ASTN2: variants seen among roughly 807,000 people sequenced by gnomAD.
The protein encoded by ASTN2 is astrotactin 2, also known as astrotactin-2.
A neutral mutation model predicts 139.8 loss-of-function variants in ASTN2; 54 were observed. The observed-to-expected ratio is 0.39, with a 90% CI of 0.31 to 0.48. The LOEUF (loss-of-function observed/expected upper bound fraction) is 0.48, where lower values mean the gene tolerates loss of function less well. Among genes scored for constraint, ASTN2 ranks in the 20% least tolerant of loss-of-function variants. The pLI is 0.95. For synonymous variants in ASTN2, 756 were observed against 719.5 expected (o/e 1.05, Z -0.81); for missense variants, 1,565 against 1,725.1 (o/e 0.91, Z 1.64).
intron 22 of ASTN2, among the ~76,000 whole-genome samples, chr9:116,433,953 A>G (rs1166507183): frequency 6.6e-6 from 1 of 152,176 alleles, no homozygotes; most frequent in Non-Finnish European, 1.5e-5. Context: ...ACTGATCCAG[A>G]GCTATTTCAG....
intron 13 of ASTN2, among the ~76,000 whole-genome samples, chr9:116,791,454 G>C (rs1830556086): frequency 6.6e-6 from 1 of 152,186 alleles, no homozygotes; most frequent in South Asian, 2.1e-4. Flanking sequence ...AGCTGGGCTG[G>C]CTCATACCTT....
chr9:116,783,773 C>T lies in ASTN2; in HGVS notation c.2396+21859G>A, dbSNP rs180999740. Among the ~76,000 whole-genome samples the T allele has an allele frequency of 2.2e-4, 33 of 152,228 alleles. No individual in the cohort carries two copies. In the East Asian group the frequency reaches 5.4e-3, roughly 25 times the overall value. On this transcript the variant is annotated intron_variant, in intron 13 of 22. Transcript: ENST00000313400. ...ATAGGGCAGTACAGGGTGTAAAGAG[C>T]TATGGGCTGAGGAGGTTCCTAATAC...
rs535215604 is a variant in ASTN2 at position 116,446,372 on chromosome 9, GTCA to G, written c.3498-3822_3498-3820del. ...TGTCAGCCTCTCTCTGCTTAGTTCT[GTCA>G]TCATCTCTCTGAAGCAGGCTGAGGT... On this transcript the variant is annotated intron_variant, in intron 20 of 22. Transcript: ENST00000313400. Among the ~76,000 whole-genome samples, 5 of 151,466 alleles carry G rather than the reference GTCA, an allele frequency of 3.3e-5. No individual in the cohort carries two copies. In the South Asian group the frequency reaches 1.0e-3, roughly 32 times the overall value.
intron 1 of ASTN2, among the ~76,000 whole-genome samples, chr9:117,311,542 AC>A (rs1465932716): frequency 1.3e-5 from 2 of 152,090 alleles, no homozygotes; most frequent in African/African-American, 2.4e-5. Context: ...CATCTATCGA[AC>A]CCTTTGTTTT....
At chr9:117,045,244 C>T (rs1838697252) in intron 5 of ASTN2, among the ~76,000 whole-genome samples, 1 of 122,248 alleles carries the variant, frequency 8.2e-6, no homozygotes, top group Non-Finnish European at 1.7e-5. Context: ...AATAAGATAT[C>T]CCATGTAATT....
rs780528671 is a variant in ASTN2 at position 116,698,186 on chromosome 9, C to CT, written c.2806+27584dup. ...AAGCAGCTGAGGAGCGGCGTCGGGA[C>CT]TTTGGAGAGAAGTTAACTCGTCTGC... is the stretch of plus-strand genomic sequence containing the variant. On this transcript the variant is annotated intron_variant, in intron 16 of 22. Transcript: ENST00000313400. This position sits in a 1 kb window ranked among gnomAD's most constrained non-coding sequence, Gnocchi z 4.4. 6.2e-7 allele frequency: 1 copy of CT among 1,614,132 alleles called. No homozygotes were observed. Among genetic ancestry groups the CT allele is most frequent in the African/African-American group, 1.3e-5 (1 of 75,040 alleles).
chr9:117,142,177 A>C (rs1475597873), intron 3 of ASTN2, among the ~76,000 whole-genome samples: 1 of 152,246 alleles, frequency 6.6e-6, no homozygotes, highest in Non-Finnish European at 1.5e-5. Flanking sequence ...GGTAGGCCAC[A>C]TTTAGGAGTA....
intron 10 of ASTN2, among the ~76,000 whole-genome samples, chr9:116,970,229 C>T (rs1299499415): frequency 3.9e-5 from 6 of 152,116 alleles, no homozygotes; most frequent in Admixed American, 2.0e-4. Context: ...TTCCAAATAA[C>T]ATAATATTTA....
chr9:116,477,904 T>C (rs1588095762), intron 20 of ASTN2, among the ~76,000 whole-genome samples: 1 of 140,598 alleles, frequency 7.1e-6, no homozygotes, highest in Non-Finnish European at 1.5e-5. Flanking sequence ...CAGAGAGAGA[T>C]GGACAGGAAG....
chr9:116,597,041 T>C (rs1217566909), intron 19 of ASTN2, among the ~76,000 whole-genome samples: 3 of 152,134 alleles, frequency 2.0e-5, no homozygotes, highest in African/African-American at 4.8e-5. Flanking sequence ...TGGGTTATAT[T>C]GTTCTCCTCT....
chr9:116,484,191 G>A (rs922983954), intron 20 of ASTN2, among the ~76,000 whole-genome samples: 4 of 152,194 alleles, frequency 2.6e-5, no homozygotes, highest in Non-Finnish European at 4.4e-5. Context: ...CAGGGGAGAA[G>A]AAGAAAGTGG....
chr9:116,870,240 C>T (rs1192179225), intron 10 of ASTN2, among the ~76,000 whole-genome samples: 1 of 152,136 alleles, frequency 6.6e-6, no homozygotes, highest in African/African-American at 2.4e-5. Context: ...AGGAGTTGAA[C>T]CCAGGTAGGT....
intron 19 of ASTN2, among the ~76,000 whole-genome samples, chr9:116,600,344 A>G (rs201971808): frequency 0.15 from 21,058 of 141,710 alleles, 1,872 homozygotes; most frequent in African/African-American, 0.25. Flanking sequence ...AAAAAAAAAA[A>G]AAAGAAAGAA....
At chr9:116,582,512 T>C (rs1428852259) in intron 19 of ASTN2, 1 of 152,244 alleles carries the variant, frequency 6.6e-6, no homozygotes, top group African/African-American at 2.4e-5. Context: ...GTAAGTGATG[T>C]AACTGAGACT....
At chr9:116,700,234 C>CTT (rs1861104931) in intron 16 of ASTN2, 1 of 180,882 alleles carries the variant, frequency 5.5e-6, no homozygotes, top group African/African-American at 2.4e-5. Context: ...GTCTGATCGT[C>CTT]TTTACCAGTA....
chr9:117,049,653 T>G (rs995815705), intron 5 of ASTN2, among the ~76,000 whole-genome samples: 1 of 152,162 alleles, frequency 6.6e-6, no homozygotes, highest in Non-Finnish European at 1.5e-5. Flanking sequence ...AACTGGTCAC[T>G]GGGAAGAGGA....
intron 6 of ASTN2, among the ~76,000 whole-genome samples, chr9:117,030,881 A>G (rs984233507): frequency 6.6e-6 from 1 of 152,162 alleles, no homozygotes; most frequent in African/African-American, 2.4e-5. Flanking sequence ...TTATAATTAT[A>G]TTACCAATTT....
At chr9:117,287,835 G>A (rs1834488019) in intron 2 of ASTN2, among the ~76,000 whole-genome samples, 1 of 152,146 alleles carries the variant, frequency 6.6e-6, no homozygotes, top group Non-Finnish European at 1.5e-5. Context: ...GTATGTGCCA[G>A]CCTGGGTATT....
chr9:116,985,684 T>G (rs1034410037), intron 7 of ASTN2, among the ~76,000 whole-genome samples: 1 of 152,204 alleles, frequency 6.6e-6, no homozygotes, highest in African/African-American at 2.4e-5. Flanking sequence ...GAAATCTCAC[T>G]AACAGCCTGG....
Sources: allele counts gnomAD v4.1 joint callset (sites outside exome capture counted in the v4.1 genomes callset), GRCh38; gene constraint gnomAD v4.1.1; non-coding constraint Gnocchi (gnomAD v3.1); transcripts MANE v1.5; gene names NCBI Gene and HGNC (gene_info 2026-07-23, HGNC 2026-07-21).